ANKS1A: variants seen among roughly 807,000 people sequenced by gnomAD.
ANKS1A encodes ankyrin repeat and SAM domain-containing protein 1A.
Under a neutral mutation model 120.3 loss-of-function variants are expected in ANKS1A, and 55 were observed. The ratio of observed to expected loss-of-function variants is 0.46; its 90% CI spans 0.37 to 0.57. The LOEUF is 0.57. Among genes scored for constraint, ANKS1A ranks in the 20% least tolerant of loss-of-function variants. ANKS1A has a pLI of 0.00. For missense variants in ANKS1A, 1,123 were observed against 1,480.3 expected (o/e 0.76, Z 3.96); for synonymous variants, 590 against 604.7 (o/e 0.98, Z 0.36).
Position 35,086,493 on chromosome 6 carries a change from G to A in ANKS1A, c.3304-459G>A, listed in dbSNP as rs1447586829. ...TTCCCCTCTTCCTGAGATGCCCTCT[G>A]CCTGTTCTGTGTGTGCTTCAGCCCT... On this transcript the variant is annotated intron_variant, in intron 22 of 23. Coordinates refer to ENST00000360359, the MANE Select transcript of ANKS1A (RefSeq NM_015245.3). This position sits in a 1 kb window ranked among gnomAD's most constrained non-coding sequence, Gnocchi z 5.1. 8.4e-6 allele frequency: 5 copies of A among 598,472 alleles called. No individual in the cohort carries two copies. In the East Asian group the frequency reaches 2.7e-4, roughly 32 times the overall value. The allele number at this position is 598,472 out of a possible 1,614,324, so 37.1% of individuals were successfully genotyped here.
intron 3 of ANKS1A, among the ~76,000 whole-genome samples, chr6:34,981,157 T>A (rs1771884898): frequency 6.6e-6 from 1 of 152,202 alleles, no homozygotes; most frequent in African/African-American, 2.4e-5. Context: ...GAGCGATTTT[T>A]AGTCTGCTCT....
At chr6:34,970,986 T>C (rs576332122) in intron 3 of ANKS1A, among the ~76,000 whole-genome samples, 1 of 152,332 alleles carries the variant, frequency 6.6e-6, no homozygotes, top group Admixed American at 6.5e-5. Flanking sequence ...GCAGCCTGGG[T>C]GACAGAGTGA....
At chr6:34,932,329 G>A (rs1769026146) in intron 1 of ANKS1A, among the ~76,000 whole-genome samples, 2 of 152,136 alleles carry the variant, frequency 1.3e-5, no homozygotes, top group African/African-American at 4.8e-5. Context: ...CGGATTACAG[G>A]CACCCACCAC....
intron 1 of ANKS1A, among the ~76,000 whole-genome samples, chr6:34,911,407 G>A (rs965128509): frequency 1.3e-5 from 2 of 152,024 alleles, no homozygotes; most frequent in Non-Finnish European, 2.9e-5. Flanking sequence ...TTTTGCTTTG[G>A]CCTGTGTTCT....
intron 1 of ANKS1A, among the ~76,000 whole-genome samples, chr6:34,940,503 C>A (rs1181364578): frequency 1.3e-5 from 2 of 152,098 alleles, no homozygotes; most frequent in Non-Finnish European, 2.9e-5. Context: ...AGTCCATATA[C>A]TGGAGAAATA....
intron 8 of ANKS1A, among the ~76,000 whole-genome samples, chr6:34,988,319 G>A (rs1269395173): frequency 1.3e-5 from 2 of 152,196 alleles, no homozygotes; most frequent in Non-Finnish European, 2.9e-5. Context: ...TAGATGGGCT[G>A]GGCACGGTGG....
At chr6:34,950,527 C>T (rs375790266) in intron 1 of ANKS1A, among the ~76,000 whole-genome samples, 2 of 152,098 alleles carry the variant, frequency 1.3e-5, no homozygotes, top group South Asian at 2.1e-4. Context: ...CCGCGCCCGG[C>T]CAGGAAGACG....
chr6:35,077,075 A>C (rs1233092987), intron 13 of ANKS1A, among the ~76,000 whole-genome samples: 1 of 152,142 alleles, frequency 6.6e-6, no homozygotes, highest in African/African-American at 2.4e-5. Context: ...AGAAATGTGC[A>C]AATTGAAACT....
intron 8 of ANKS1A, 132 bp downstream of exon 8, chr6:34,985,410 C>G (rs577662243): frequency 7.2e-6 from 6 of 831,492 alleles, no homozygotes; most frequent in African/African-American, 3.4e-5. Context: ...CCCACTTATT[C>G]TCTTCTTCAT....
intron 10 of ANKS1A, among the ~76,000 whole-genome samples, chr6:35,016,480 C>A (rs978412116): frequency 6.6e-6 from 1 of 152,108 alleles, no homozygotes; most frequent in Admixed American, 6.5e-5. Flanking sequence ...TGAGTTCATG[C>A]AAGGAAAGCC....
chr6:35,051,702 G>C (rs930410497), intron 11 of ANKS1A, among the ~76,000 whole-genome samples: 19 of 152,240 alleles, frequency 1.2e-4, no homozygotes, highest in African/African-American at 4.3e-4. Context: ...CTGCGTGTGA[G>C]TAGAATAGAA....
intron 12 of ANKS1A, among the ~76,000 whole-genome samples, chr6:35,059,108 C>T (rs1293446279): frequency 9.2e-5 from 14 of 152,252 alleles, no homozygotes; most frequent in Admixed American, 9.2e-4. Flanking sequence ...ACTGAATTTG[C>T]CTGCCTGCTT....
At chr6:34,957,797 C>T (rs1770445673) in intron 1 of ANKS1A, among the ~76,000 whole-genome samples, 1 of 152,138 alleles carries the variant, frequency 6.6e-6, no homozygotes, top group African/African-American at 2.4e-5. Flanking sequence ...TGTCAAGGGA[C>T]TGGAGAAACT....
chr6:35,087,083 C>T (rs1347761218), intron 23 of ANKS1A, 34 bp downstream of exon 23: 5 of 1,590,838 alleles, frequency 3.1e-6, no homozygotes, highest in African/African-American at 1.3e-5. Flanking sequence ...ACAACCCACT[C>T]CCTGTCTCCA....
At chr6:35,061,211 G>T (rs2127591885) in intron 13 of ANKS1A, among the ~76,000 whole-genome samples, 1 of 152,338 alleles carries the variant, frequency 6.6e-6, no homozygotes, top group Non-Finnish European at 1.5e-5. Flanking sequence ...CATTGGCAGG[G>T]TGGAAATGTG....
chr6:35,006,710 G>T (rs1031420272), intron 10 of ANKS1A, among the ~76,000 whole-genome samples: 1 of 151,852 alleles, frequency 6.6e-6, no homozygotes, highest in Non-Finnish European at 1.5e-5. Flanking sequence ...AGCCAAGATC[G>T]CACCACTGCA....
chr6:34,990,816 T>C (rs1168659136), intron 9 of ANKS1A, among the ~76,000 whole-genome samples: 2 of 152,212 alleles, frequency 1.3e-5, no homozygotes, highest in African/African-American at 4.8e-5. Flanking sequence ...CCTGGAATTC[T>C]GGATCAGTTG....
chr6:35,090,219 C>A lies in ANKS1A; in HGVS notation c.*1610C>A, dbSNP rs751249987. 1 of 1,289,468 alleles carries A rather than the reference C, an allele frequency of 7.8e-7. No homozygotes were observed. Among genetic ancestry groups the A allele is most frequent in the African/African-American group, 1.5e-5 (1 of 65,866 alleles). 79.9% of individuals were successfully genotyped at this position (1,289,468 alleles called of 1,614,324 possible). ...CTTGCAGTTTTACTTCATTTCCTGCCCCTTTCAGGGCCTGTGAGGATGCCC... is the reference window on the plus strand; with the variant it reads ...CTTGCAGTTTTACTTCATTTCCTGCACCTTTCAGGGCCTGTGAGGATGCCC... On this transcript the variant is annotated 3_prime_UTR_variant, in exon 24 of 24. Transcript: ENST00000360359.
intron 10 of ANKS1A, among the ~76,000 whole-genome samples, chr6:34,994,958 A>G (rs1772772769): frequency 6.6e-6 from 1 of 152,202 alleles, no homozygotes; most frequent in Admixed American, 6.5e-5. Context: ...TGAGTGCTGC[A>G]GTACTGAGAT....
Sources: allele counts gnomAD v4.1 joint callset (sites outside exome capture counted in the v4.1 genomes callset), GRCh38; gene constraint gnomAD v4.1.1; non-coding constraint Gnocchi (gnomAD v3.1); transcripts MANE v1.5; gene names NCBI Gene and HGNC (gene_info 2026-07-23, HGNC 2026-07-21).